The following COL4A6 variants were observed in gnomAD, a reference collection of about 807,000 sequenced individuals.
COL4A6 encodes collagen alpha-6(IV) chain.
COL4A6 carries 59 observed loss-of-function variants against 126.7 expected under a neutral mutation model. The observed-to-expected ratio is 0.47, with a 90% confidence interval of 0.38 to 0.58. The LOEUF is 0.58. COL4A6 is among the 20% of genes least tolerant of loss of function. The pLI, the probability that COL4A6 is intolerant of heterozygous loss-of-function variation, is 0.00. For missense variants in COL4A6, 1,285 were observed against 1,337.3 expected, an observed-to-expected ratio of 0.96 and a Z score of 0.61; for synonymous variants, 547 against 496.6, an observed-to-expected ratio of 1.10 and a Z score of -1.35.
chrX:108,309,801 A>AACACACACACACACACACACAC, intron 3 of COL4A6, among the ~76,000 whole-genome samples: 1 of 80,885 alleles, frequency 1.2e-5, no homozygotes, highest in Non-Finnish European at 2.4e-5. Context: ...TAATCCTGGA[A>AACACACACACACACACACACAC]ACACACACAC....
chrX:108,250,973 GT>G (rs1177777276), intron 3 of COL4A6, among the ~76,000 whole-genome samples: 2 of 111,233 alleles, frequency 1.8e-5, no homozygotes, highest in African/African-American at 3.3e-5. Context: ...CTGGCAGGCT[GT>G]TTTTTTGACT....
chrX:108,319,753 C>A (rs2038978931), intron 2 of COL4A6, among the ~76,000 whole-genome samples: 1 of 111,918 alleles, frequency 8.9e-6, no homozygotes, highest in Non-Finnish European at 1.9e-5. Flanking sequence ...AGCCAATTAT[C>A]TAAAGGGGTA....
chrX:108,433,699 T>G (rs760700151), intron 2 of COL4A6, among the ~76,000 whole-genome samples: 3 of 111,030 alleles, frequency 2.7e-5, no homozygotes, highest in African/African-American at 6.6e-5. Flanking sequence ...AATTTTTGTA[T>G]TTTTTGTAGA....
intron 3 of COL4A6, among the ~76,000 whole-genome samples, chrX:108,256,364 T>A (rs1164812227): frequency 3.6e-5 from 4 of 112,175 alleles, no homozygotes; most frequent in Non-Finnish European, 3.8e-5. Flanking sequence ...GTCAATGAAA[T>A]AATAACTAAC....
chrX:108,258,604 A>C (rs1159197175), intron 3 of COL4A6, among the ~76,000 whole-genome samples: 5 of 112,121 alleles, frequency 4.5e-5, no homozygotes. Flanking sequence ...ACCTGAATAC[A>C]ACTTGATCTT....
intron 23 of COL4A6, among the ~76,000 whole-genome samples, chrX:108,183,999 G>A (rs937919271): frequency 2.7e-5 from 3 of 111,692 alleles, no homozygotes; most frequent in African/African-American, 9.8e-5. Flanking sequence ...TTTGGAAATA[G>A]CCAGTTGTCT....
intron 3 of COL4A6, chrX:108,269,228 A>G (rs1030856544): frequency 3.1e-6 from 1 of 319,701 alleles, no homozygotes; most frequent in Non-Finnish European, 6.0e-6. Flanking sequence ...CGGAGCCTGC[A>G]CTCATGAGGA....
chrX:108,214,185 T>C lies in COL4A6; in HGVS notation c.368A>G (p.Asp123Gly), dbSNP rs761198458. 6 of 1,207,871 alleles carry C rather than the reference T, an allele frequency of 5.0e-6. No individual in the cohort carries two copies. The highest frequency in any genetic ancestry group is 6.7e-6 in the Non-Finnish European group (6 of 894,252). Residue 123 changes from aspartate (D) to glycine (G), a missense_variant, in exon 6 of 45, where the codon GAT (aspartate) becomes GGT (glycine). Asp to Gly is a moderately conservative substitution (Grantham distance 94). Coordinates refer to ENST00000334504, the MANE Select transcript of COL4A6 (RefSeq NM_033641.4). The stretch of plus-strand genomic sequence containing the variant: ...AGCTCCTTGAGTTCCATTACAGCCA[T>C]CCAGACCAGGTGGGCCTCTGGGGCC... The part of the protein sequence containing the change: ...QPGPRGPPGL[D>G]GCNGTQGAVG...
At chrX:108,158,092 A>C (rs73251796) in intron 44 of COL4A6, among the ~76,000 whole-genome samples, 5,874 of 112,645 alleles carry the variant, frequency 0.052, 128 homozygotes, top group East Asian at 0.1. Context: ...CGAAGCATCA[A>C]AATTTTCCTC....
chrX:108,312,729 G>A (rs1046427347), intron 2 of COL4A6, among the ~76,000 whole-genome samples: 5 of 112,048 alleles, frequency 4.5e-5, no homozygotes, highest in Non-Finnish European at 9.4e-5. Context: ...AATATTAAGT[G>A]ATAAAAGTCA....
intron 2 of COL4A6, among the ~76,000 whole-genome samples, chrX:108,318,820 T>A (rs1480493231): frequency 8.9e-6 from 1 of 112,400 alleles, no homozygotes; most frequent in African/African-American, 3.2e-5. Flanking sequence ...TATAGAGTCA[T>A]AATCCAATAA....
At chrX:108,181,803 C>T (rs1011057882) in intron 23 of COL4A6, among the ~76,000 whole-genome samples, 3 of 111,742 alleles carry the variant, frequency 2.7e-5, no homozygotes, top group Admixed American at 9.5e-5. Context: ...AAATTGTTTG[C>T]GGGCTCCCTC....
intron 3 of COL4A6, among the ~76,000 whole-genome samples, chrX:108,258,634 C>G (rs1445486699): frequency 1.8e-5 from 2 of 111,993 alleles, no homozygotes; most frequent in Non-Finnish European, 3.8e-5. Flanking sequence ...TGTTCAGCAG[C>G]AGGGGAAACC....
chrX:108,265,006 A>G lies in COL4A6; in HGVS notation c.145-43632T>C, dbSNP rs557534613. 1.3e-4 allele frequency among the ~76,000 whole-genome samples: 15 copies of G among 112,118 alleles called. 1 individual carries two copies. The South Asian group carries it at 5.2e-3, about 39-fold the overall frequency. On this transcript the variant is annotated intron_variant, in intron 3 of 44. Transcript: ENST00000334504. ...TAACCTCAGCTTTCTTATCTACAAA[A>G]TAGGGGATTACAATAGTACCTTCCT...
rs371465815 is a variant in COL4A6 at position 108,317,356 on chromosome X, A to G, written c.64-6528T>C. On this transcript the variant is annotated intron_variant, in intron 2 of 44. Transcript: ENST00000334504. ...CAGGAATTCTGGTTTTGAGATGTGT[A>G]TAAGATATTCAAATGGAGGAGTTGA... 1.1e-4 allele frequency among the ~76,000 whole-genome samples: 12 copies of G among 112,071 alleles called. No individual in the cohort carries two copies. In the South Asian group the frequency reaches 4.5e-3, roughly 42 times the overall value.
At chrX:108,315,294 G>T (rs1369003807) in intron 2 of COL4A6, among the ~76,000 whole-genome samples, 1 of 111,405 alleles carries the variant, frequency 9.0e-6, no homozygotes, top group Non-Finnish European at 1.9e-5. Flanking sequence ...AGGCTGGAGT[G>T]CAGTGGTGCG....
At chrX:108,249,261 A>T (rs1321179271) in intron 3 of COL4A6, among the ~76,000 whole-genome samples, 1 of 110,976 alleles carries the variant, frequency 9.0e-6, no homozygotes, top group Non-Finnish European at 1.9e-5. Flanking sequence ...CAGTGCTGGA[A>T]CAAGTGTTTA....
intron 3 of COL4A6, among the ~76,000 whole-genome samples, chrX:108,297,219 C>T (rs191910273): frequency 1.8e-5 from 2 of 111,909 alleles, no homozygotes; most frequent in Admixed American, 1.9e-4. Flanking sequence ...TAATGGAGTG[C>T]TTACTTTGTG....
intron 3 of COL4A6, among the ~76,000 whole-genome samples, chrX:108,267,290 C>T (rs897949050): frequency 8.9e-6 from 1 of 112,238 alleles, no homozygotes; most frequent in Admixed American, 9.4e-5. Context: ...CCAGGATAAT[C>T]TCCTCAACTC....
Sources: gnomAD v4.1 joint callset for allele counts (sites outside exome capture counted in the v4.1 genomes callset) on GRCh38, gnomAD v4.1.1 for gene constraint, MANE v1.5 for transcripts, NCBI Gene and HGNC (gene_info 2026-07-23, HGNC 2026-07-21) for gene names.